The following ZNF106 variants were observed in gnomAD, a reference collection of about 807,000 sequenced individuals.
ZNF106 encodes the protein zinc finger protein 106, also known as SH3-domain binding protein 3.
In ZNF106, 67 loss-of-function variants were observed where a neutral mutation model predicts 195.1. The observed-to-expected ratio is 0.34, with a 90% CI of 0.28 to 0.42. The LOEUF is 0.42. Among genes scored for constraint, ZNF106 ranks in the 10% least tolerant of loss-of-function variants. The pLI is 1.00. For missense variants in ZNF106, 2,118 were observed against 2,304.5 expected (o/e 0.92, Z 1.66); for synonymous variants, 784 against 818.6 (o/e 0.96, Z 0.72).
chr15:42,419,867 T>C (rs2054595048), intron 20 of ZNF106, among the ~76,000 whole-genome samples: 1 of 152,112 alleles, frequency 6.6e-6, no homozygotes, highest in Admixed American at 6.5e-5. Context: ...GGAGAATCGC[T>C]TGAACCAGGG....
At chr15:42,424,752 C>A in intron 16 of ZNF106, 82 bp downstream of exon 16, 1 of 1,425,052 alleles carries the variant, frequency 7.0e-7, no homozygotes, top group Non-Finnish European at 9.5e-7. Context: ...AGTGCTGGGA[C>A]TACAGACGTG....
Position 42,480,050 on chromosome 15 carries a change from T to C in ZNF106, c.-32-7729A>G, listed in dbSNP as rs190257550. Among the ~76,000 whole-genome samples, 348 of 152,232 alleles carry C rather than the reference T, an allele frequency of 2.3e-3. 2 individuals are homozygous for C. The highest frequency in any genetic ancestry group is 7.8e-3 in the African/African-American group (323 of 41,546). On this transcript the variant is annotated intron_variant, in intron 1 of 21. Coordinates refer to ENST00000564754, the MANE Select transcript of ZNF106 (RefSeq NM_001366845.3). ...ATTTTGAACAGATTGGGTCTCTTCA[T>C]GTTGGCCAGGCTAGTCTTGAACTCC...
At chr15:42,480,960 G>A (rs189120319) in intron 1 of ZNF106, among the ~76,000 whole-genome samples, 75 of 152,210 alleles carry the variant, frequency 4.9e-4, no homozygotes, top group African/African-American at 1.7e-3. Context: ...ACTCCAGCCT[G>A]AATGACAAGA....
rs764491656 is a variant in ZNF106, at chr15:42,424,929, C to T, written c.5095G>A (p.Gly1699Arg). 1 of 1,614,182 alleles carries T rather than the reference C, an allele frequency of 6.2e-7. No individual in the cohort carries two copies. The highest frequency in any genetic ancestry group is 8.5e-7 in the Non-Finnish European group (1 of 1,180,034). The stretch of plus-strand genomic sequence containing the variant: ...ACACTAATTGTGCAGTCATAAGACC[C>T]CACGACCAGCAGTTTTCGGGCACCT... ...QEGARKLLVV[G>R]SYDCTISVRD... The change falls in exon 16 of 22, where the codon GGG (glycine) becomes AGG (arginine). Residue 1699 changes from glycine (G) to arginine (R), a missense_variant. Gly to Arg is a moderately radical substitution (Grantham distance 125, BLOSUM62 -2). Transcript: ENST00000564754.
In ZNF106 at chr15:42,439,285, C is replaced by T. The variant is rs900765359; in HGVS notation, c.4292G>A (p.Arg1431Gln). 3 of 1,614,152 alleles carry T rather than the reference C, an allele frequency of 1.9e-6. No individual in the cohort carries two copies. Among genetic ancestry groups the T allele is most frequent in the East Asian group, 2.2e-5 (1 of 44,890 alleles). The change falls in exon 11 of 22, where the codon CGG becomes CAG. Residue 1431 changes from arginine (R) to glutamine (Q), a missense_variant. Physicochemically the swap from Arg to Gln is conservative, Grantham distance 43. Transcript: ENST00000564754. ...TSTWEDSRTG[R>Q]EQESVRDEPD... The stretch of plus-strand genomic sequence containing the variant: ...CTCATCTCTGACACTCTCCTGCTCC[C>T]GACCAGTCCTGCTGTCTTCCCAAGT...
intron 6 of ZNF106, among the ~76,000 whole-genome samples, chr15:42,447,059 T>C (rs527351420): frequency 2.0e-4 from 31 of 152,370 alleles, no homozygotes; most frequent in Admixed American, 4.6e-4. Flanking sequence ...TAACAGTCCA[T>C]GAGACAAGCT....
At chr15:42,475,783 G>A (rs17709596) in intron 1 of ZNF106, among the ~76,000 whole-genome samples, 17,164 of 152,168 alleles carry the variant, frequency 0.11, 1,148 homozygotes, top group Non-Finnish European at 0.15. Context: ...GTAAAGATAC[G>A]TCCAGAAATG....
intron 10 of ZNF106, among the ~76,000 whole-genome samples, chr15:42,441,466 C>A (rs1056471504): frequency 6.6e-6 from 1 of 152,092 alleles, no homozygotes; most frequent in African/African-American, 2.4e-5. Context: ...CACACAATGC[C>A]AGTTTGTTGG....
At chr15:42,449,243 T>G (rs2055891027) in intron 5 of ZNF106, among the ~76,000 whole-genome samples, 1 of 152,202 alleles carries the variant, frequency 6.6e-6, no homozygotes, top group Admixed American at 6.5e-5. Flanking sequence ...CAGAAAAGTC[T>G]AGTACCTCAA....
intron 1 of ZNF106, among the ~76,000 whole-genome samples, chr15:42,479,109 C>CA (rs1490096424): frequency 2.0e-5 from 3 of 152,176 alleles, no homozygotes; most frequent in African/African-American, 4.8e-5. Flanking sequence ...AGCTACGACT[C>CA]ACGTCTATAA....
At chr15:42,488,528 A>C (rs1186039218) in intron 1 of ZNF106, among the ~76,000 whole-genome samples, 1 of 152,108 alleles carries the variant, frequency 6.6e-6, no homozygotes, top group African/African-American at 2.4e-5. Flanking sequence ...ATTCATATGT[A>C]ACTTGTCTGC....
Position 42,450,379 on chromosome 15 carries a change from A to T in ZNF106, c.1893T>A (p.Gly631=), listed in dbSNP as rs745766413. 3.7e-6 allele frequency: 6 copies of T among 1,613,984 alleles called. No homozygotes were observed. The highest frequency in any genetic ancestry group is 4.2e-6 in the Non-Finnish European group (5 of 1,180,020). Residue 631 remains glycine, a synonymous_variant, in exon 5 of 22, where the codon GGT becomes GGA. Coordinates refer to ENST00000564754, the MANE Select transcript of ZNF106 (RefSeq NM_001366845.3). The stretch of plus-strand genomic sequence containing the variant: ...CAGATAACAATTCTGTAGTTGCAGA[A>T]CCTAGGGTTCCAATTTTTGTTCCAT... ...EKHGTKIGTL[G]SATTELLSGS...
intron 1 of ZNF106, among the ~76,000 whole-genome samples, chr15:42,484,362 A>G (rs2056964971): frequency 6.6e-6 from 1 of 152,272 alleles, no homozygotes; most frequent in African/African-American, 2.4e-5. Flanking sequence ...CATGTATATC[A>G]ACATATAAAT....
At chr15:42,481,671 T>C (rs1019792468) in intron 1 of ZNF106, among the ~76,000 whole-genome samples, 1 of 152,190 alleles carries the variant, frequency 6.6e-6, no homozygotes, top group Non-Finnish European at 1.5e-5. Flanking sequence ...ATATTCTTTC[T>C]TGAAGGCTAT....
In ZNF106 at chr15:42,414,342, T is replaced by G. The variant is rs1466912825; in HGVS notation, c.*2962A>C. On this transcript the variant is annotated 3_prime_UTR_variant, in exon 22 of 22. Transcript: ENST00000564754. ...AGCCAAAATGCTTATGGTCCCTTTA[T>G]TTCTTAATAGAGGGCTAGAACCGTT... 1 of 152,246 alleles carries G rather than the reference T, an allele frequency of 6.6e-6. No homozygotes were observed. The highest frequency in any genetic ancestry group is 1.5e-5 in the Non-Finnish European group (1 of 68,048). The allele number at this position is 152,246 out of a possible 1,614,324, so 9.4% of individuals were successfully genotyped here.
At chr15:42,443,916 G>T (rs762043290) in intron 9 of ZNF106, among the ~76,000 whole-genome samples, 5 of 151,880 alleles carry the variant, frequency 3.3e-5, no homozygotes, top group Non-Finnish European at 7.4e-5. Context: ...AGACCAGTCT[G>T]GCCAACATGG....
intron 20 of ZNF106, 40 bp from the exon 21 acceptor site, chr15:42,417,991 T>C (rs914834673): frequency 6.2e-7 from 1 of 1,600,914 alleles, no homozygotes; most frequent in Admixed American, 1.7e-5. Flanking sequence ...TGAAAAAGGG[T>C]GCAGTGAACG....
At chr15:42,455,663 G>A (rs760959872) in intron 4 of ZNF106, among the ~76,000 whole-genome samples, 3 of 152,172 alleles carry the variant, frequency 2.0e-5, no homozygotes, top group Admixed American at 6.5e-5. Context: ...CAATAGGCCT[G>A]AGCCACCGTT....
Position 42,417,925 on chromosome 15 carries a change from G to T in ZNF106, c.5544C>A (p.Gly1848=), listed in dbSNP as rs750225052. The T allele has an allele frequency of 1.2e-6, 2 of 1,613,472 alleles. No individual in the cohort carries two copies. Among genetic ancestry groups the T allele is most frequent in the Non-Finnish European group, 1.7e-6 (2 of 1,179,786 alleles). ...CWWHGCSLIF[G]VVDHLKQHLL... is the part of the protein sequence containing the mutation. ...AGTGTTGTTTTAAATGATCTACAACGCCAAATATCAGAGAGCAACCATGCC... is the reference window on the plus strand; with the variant it reads ...AGTGTTGTTTTAAATGATCTACAACTCCAAATATCAGAGAGCAACCATGCC... The change falls in exon 21 of 22, where the codon GGC becomes GGA. Residue 1848 remains glycine (G), a synonymous_variant. Transcript: ENST00000564754.
Sources: gnomAD v4.1 joint callset for allele counts (sites outside exome capture counted in the v4.1 genomes callset) on GRCh38, gnomAD v4.1.1 for gene constraint, MANE v1.5 for transcripts, NCBI Gene and HGNC (gene_info 2026-07-23, HGNC 2026-07-21) for gene names.